The following AGO2 variants were observed in gnomAD, a reference collection of about 807,000 sequenced individuals.
The protein encoded by AGO2 is protein argonaute-2.
A neutral mutation model predicts 102.3 loss-of-function variants in AGO2; 5 were observed. The ratio of observed to expected loss-of-function variants is 0.05; its 90% CI spans 0.03 to 0.10. The LOEUF is 0.10. AGO2 is among the 10% of genes least tolerant of loss of function. AGO2 has a pLI of 1.00. For synonymous variants in AGO2, 449 were observed against 473.1 expected, an observed-to-expected ratio of 0.95 and a Z score of 0.66; for missense variants, 541 against 1,183.7, an observed-to-expected ratio of 0.46 and a Z score of 7.97.
At position 140,551,512 on chromosome 8, in the gene AGO2, A is replaced by C. The variant is rs921960182; in HGVS notation, c.1270-76T>G. ...TTCAACCTTAGACTTTGTCACTCTC[A>C]CTGTTGGTCCCCCTGACCAACAACT... On this transcript the variant is annotated intron_variant, in intron 10 of 18. Coordinates refer to ENST00000220592, the MANE Select transcript of AGO2 (RefSeq NM_012154.5). 16 of 1,371,176 alleles carry C rather than the reference A, an allele frequency of 1.2e-5. No homozygotes were observed. In the African/African-American group the frequency reaches 2.2e-4, roughly 19 times the overall value. 84.9% of individuals were successfully genotyped at this position (1,371,176 alleles called of 1,614,324 possible).
chr8:140,599,139 C>A (rs1470353590), intron 1 of AGO2, among the ~76,000 whole-genome samples: 2 of 152,184 alleles, frequency 1.3e-5, no homozygotes, highest in South Asian at 2.1e-4. Flanking sequence ...GCAGGATGCA[C>A]CCGCTTGGGA....
At chr8:140,640,325 T>G (rs1408657182), upstream of AGO2, among the ~76,000 whole-genome samples, 2 of 152,066 alleles carry the variant, frequency 1.3e-5, no homozygotes, top group Admixed American at 1.3e-4. Context: ...GCATTCTTTT[T>G]GTTTGTTTTA....
chr8:140,557,341 C>T lies in AGO2; in HGVS notation c.879-105G>A, dbSNP rs962520710. ...TTTAGGGTGACGTGTGAGGAGCAAA[C>T]ATTCAGAGCACTTCCGGGAGTGAAA... On this transcript the variant is annotated intron_variant, in intron 7 of 18. Transcript: ENST00000220592. This position sits in a 1 kb window ranked among gnomAD's most constrained non-coding sequence, Gnocchi z 5.9. 25 of 1,362,748 alleles carry T rather than the reference C, an allele frequency of 1.8e-5. No homozygotes were observed. The Admixed American group carries it at 6.3e-4, about 34-fold the overall frequency. The allele number at this position is 1,362,748 out of a possible 1,614,324, so 84.4% of individuals were successfully genotyped here. A position where few individuals can be genotyped will look rare whatever the true frequency, so the allele number is the denominator to read the frequency against.
In AGO2 at chr8:140,585,329, A is replaced by G; in HGVS notation, c.23-18T>C. 4 of 1,609,998 alleles carry G rather than the reference A, an allele frequency of 2.5e-6. No individual in the cohort carries two copies. Among genetic ancestry groups the G allele is most frequent in the Non-Finnish European group, 2.5e-6 (3 of 1,177,476 alleles). ...TGCAAGTGCTGGAATGGCAGAGAGA[A>G]CACCCATTAACGGGGGAGCAGGCTT... On this transcript the variant is annotated intron_variant, in intron 1 of 18. Coordinates refer to ENST00000220592, the MANE Select transcript of AGO2 (RefSeq NM_012154.5).
intron 1 of AGO2, among the ~76,000 whole-genome samples, chr8:140,624,626 G>A (rs770236724): frequency 3.3e-5 from 5 of 152,238 alleles, no homozygotes; most frequent in Non-Finnish European, 5.9e-5. Context: ...CTCGCATTCC[G>A]AGGCCACCAA....
intron 2 of AGO2, among the ~76,000 whole-genome samples, chr8:140,573,808 G>A (rs1034561040): frequency 5.3e-5 from 8 of 152,308 alleles, no homozygotes; most frequent in African/African-American, 1.7e-4. Flanking sequence ...GGCTCAGCTC[G>A]GCTGTGGGCC....
chr8:140,612,421 C>T (rs2152102151), intron 1 of AGO2, among the ~76,000 whole-genome samples: 1 of 152,132 alleles, frequency 6.6e-6, no homozygotes, highest in Admixed American at 6.5e-5. Context: ...TCCATTCGGG[C>T]TGCAGTTCTA....
chr8:140,610,076 AC>A (rs2074056974), intron 1 of AGO2, among the ~76,000 whole-genome samples: 1 of 150,494 alleles, frequency 6.6e-6, no homozygotes. Context: ...ATGGTGGTGC[AC>A]ACCCGTAATC....
intron 3 of AGO2, among the ~76,000 whole-genome samples, chr8:140,566,458 A>G (rs1459278056): frequency 2.0e-5 from 3 of 152,250 alleles, no homozygotes; most frequent in Non-Finnish European, 4.4e-5. Flanking sequence ...CCAACTGTAC[A>G]TATATTTCTT....
intron 2 of AGO2, among the ~76,000 whole-genome samples, chr8:140,578,786 A>G (rs1380268148): frequency 2.0e-5 from 3 of 152,216 alleles, no homozygotes; most frequent in African/African-American, 7.2e-5. Context: ...GTCGCCACCC[A>G]GGGAAAGGGC....
At chr8:140,624,063 CGA>C (rs2074246695) in intron 1 of AGO2, among the ~76,000 whole-genome samples, 1 of 152,108 alleles carries the variant, frequency 6.6e-6, no homozygotes, top group Non-Finnish European at 1.5e-5. Context: ...AGGTGCAGGG[CGA>C]GCGCGATGGA....
chr8:140,572,990 A>G (rs1713351522), intron 2 of AGO2, 58 bp from the exon 3 acceptor site: 1 of 1,560,806 alleles, frequency 6.4e-7, no homozygotes, highest in African/African-American at 1.4e-5. Flanking sequence ...ATGGCATACA[A>G]GGACATTTTT....
chr8:140,606,888 G>T (rs1485115076), intron 1 of AGO2, among the ~76,000 whole-genome samples: 3 of 150,634 alleles, frequency 2.0e-5, no homozygotes, highest in African/African-American at 7.4e-5. Context: ...GGTGAGCCGA[G>T]ATCACACCAC....
At chr8:140,578,724 A>G (rs547445026) in intron 2 of AGO2, among the ~76,000 whole-genome samples, 120 of 152,364 alleles carry the variant, frequency 7.9e-4, no homozygotes, top group African/African-American at 2.7e-3. Flanking sequence ...ACCACGGCCA[A>G]GCTGTTAGTG....
intron 1 of AGO2, among the ~76,000 whole-genome samples, chr8:140,611,143 G>A (rs777781143): frequency 2.4e-4 from 36 of 152,138 alleles, no homozygotes; most frequent in Admixed American, 1.4e-3. Flanking sequence ...CATTTGCTCC[G>A]GTGGCTAAGG....
intron 3 of AGO2, among the ~76,000 whole-genome samples, chr8:140,570,824 G>A (rs1050894336): frequency 2.6e-5 from 4 of 152,168 alleles, no homozygotes; most frequent in African/African-American, 9.7e-5. Flanking sequence ...CCCAGAGTTT[G>A]TGCACAGTTA....
intron 11 of AGO2, among the ~76,000 whole-genome samples, 190 bp downstream of exon 11, chr8:140,551,113 A>T (rs1375623959): frequency 6.6e-6 from 1 of 152,194 alleles, no homozygotes; most frequent in Non-Finnish European, 1.5e-5. Context: ...AGGGGCACCA[A>T]TGGGGCCAGC....
In AGO2 at chr8:140,523,518, C is replaced by A. The variant is rs947243033; in HGVS notation, c.*8526G>T. The A allele has an allele frequency of 3.9e-5, 6 of 152,142 alleles. No individual in the cohort carries two copies. The highest frequency in any genetic ancestry group is 1.4e-4 in the African/African-American group (6 of 41,430). 9.4% of individuals were successfully genotyped at this position (152,142 alleles called of 1,614,324 possible). A position where few individuals can be genotyped will look rare whatever the true frequency, so the allele number is the denominator to read the frequency against. On this transcript the variant is annotated 3_prime_UTR_variant, in exon 19 of 19. Transcript: ENST00000220592. ...AAAAGCTGGATTTAGATACTACATT[C>A]TTTTCCTGTATTTAATGAGTAATTA...
At chr8:140,599,683 C>T (rs2073903140) in intron 1 of AGO2, among the ~76,000 whole-genome samples, 1 of 152,170 alleles carries the variant, frequency 6.6e-6, no homozygotes, top group Non-Finnish European at 1.5e-5. Flanking sequence ...TGATCTACAT[C>T]TCTTCACCTG....
Sources: gnomAD v4.1 joint callset for allele counts (sites outside exome capture counted in the v4.1 genomes callset) on GRCh38, gnomAD v4.1.1 for gene constraint, Gnocchi (gnomAD v3.1) non-coding constraint, MANE v1.5 for transcripts, NCBI Gene and HGNC (gene_info 2026-07-23, HGNC 2026-07-21) for gene names.